Variants in CYP39A1 observed in about 807,000 individuals in gnomAD.
CYP39A1 encodes the protein cytochrome P450 family 39 subfamily A member 1.
Under a neutral mutation model 58.1 loss-of-function variants are expected in CYP39A1, and 49 were observed. That is an observed-to-expected ratio of 0.84 (90% CI 0.67 to 1.07). CYP39A1 has a LOEUF of 1.07. Ranked by LOEUF, CYP39A1 falls within the 50% of genes least tolerant of loss-of-function variation. CYP39A1 has a pLI of 0.00. For synonymous variants in CYP39A1, 209 were observed against 187.6 expected (o/e 1.11, Z -0.93); for missense variants, 531 against 539.4 (o/e 0.98, Z 0.16).
rs573287838 is a variant in CYP39A1 at position 46,642,169 on chromosome 6, G to A, written c.307C>T (p.Arg103Cys). ...ATCTGAAAATATTCTTTACCTGTAC[G>A]ATAAACGATATTTTGCACTGCTAGT... is the stretch of plus-strand genomic sequence containing the variant. ...FELAVQNIVYRTASIPKNVFL... is the reference protein window; with the variant it reads ...FELAVQNIVYCTASIPKNVFL... Residue 103 changes from arginine to cysteine, a missense_variant, in exon 2 of 12, where the codon CGT becomes TGT. Arg to Cys is a radical substitution (Grantham distance 180, BLOSUM62 -3). Transcript: ENST00000275016. The A allele has an allele frequency of 7.4e-6, 12 of 1,612,458 alleles. No individual in the cohort carries two copies. The highest frequency in any genetic ancestry group is 3.3e-5 in the Admixed American group (2 of 59,912).
chr6:46,636,004 C>T (rs1278530818), intron 5 of CYP39A1, among the ~76,000 whole-genome samples: 1 of 152,184 alleles, frequency 6.6e-6, no homozygotes. Context: ...ATTCTGCTTC[C>T]TTGCATCTGA....
At chr6:46,590,689 G>A (rs1321310095) in intron 8 of CYP39A1, among the ~76,000 whole-genome samples, 1 of 152,158 alleles carries the variant, frequency 6.6e-6, no homozygotes, top group African/African-American at 2.4e-5. Flanking sequence ...CCCAAAGACA[G>A]TCATTAACTA....
intron 7 of CYP39A1, among the ~76,000 whole-genome samples, chr6:46,604,163 C>G (rs1773689760): frequency 6.6e-6 from 1 of 152,080 alleles, no homozygotes. Flanking sequence ...TTCACATACC[C>G]AGAGGGCACA....
At chr6:46,646,253 G>A (rs1762317266) in intron 1 of CYP39A1, among the ~76,000 whole-genome samples, 2 of 151,976 alleles carry the variant, frequency 1.3e-5, no homozygotes, top group South Asian at 4.1e-4. Flanking sequence ...TTAACTGCAG[G>A]ATTTTTGTAG....
intron 1 of CYP39A1, among the ~76,000 whole-genome samples, chr6:46,644,306 T>C (rs895921472): frequency 1.2e-4 from 18 of 152,234 alleles, no homozygotes; most frequent in African/African-American, 4.3e-4. Flanking sequence ...GTATCAATCA[T>C]TCATTCCTTT....
intron 4 of CYP39A1, among the ~76,000 whole-genome samples, chr6:46,636,789 G>T (rs946442935): frequency 6.6e-6 from 1 of 152,186 alleles, no homozygotes; most frequent in Non-Finnish European, 1.5e-5. Flanking sequence ...GCTGTAAGTT[G>T]CAGGAGGATG....
intron 10 of CYP39A1, among the ~76,000 whole-genome samples, chr6:46,567,913 G>T (rs1474087368): frequency 6.6e-6 from 1 of 152,068 alleles, no homozygotes; most frequent in Admixed American, 6.6e-5. Flanking sequence ...GTGAGTTTCA[G>T]CAGTTGCCAG....
chr6:46,598,594 G>A (rs753094669), intron 7 of CYP39A1, among the ~76,000 whole-genome samples: 5 of 152,052 alleles, frequency 3.3e-5, no homozygotes, highest in Non-Finnish European at 5.9e-5. Context: ...GAAAAGCCAT[G>A]GTCAGAATTC....
chr6:46,609,160 G>C (rs916338431), intron 7 of CYP39A1, among the ~76,000 whole-genome samples: 2 of 151,930 alleles, frequency 1.3e-5, no homozygotes, highest in East Asian at 2.0e-4. Context: ...CCAGCACTTC[G>C]GGAGGCCGAG....
chr6:46,551,716 C>G (rs757275093), intron 11 of CYP39A1, among the ~76,000 whole-genome samples: 42 of 152,162 alleles, frequency 2.8e-4, no homozygotes, highest in South Asian at 6.2e-4. Flanking sequence ...TCCAAGTCCA[C>G]TGATTTCCCC....
intron 10 of CYP39A1, among the ~76,000 whole-genome samples, chr6:46,555,988 T>G (rs1232170534): frequency 6.6e-6 from 1 of 152,204 alleles, no homozygotes; most frequent in South Asian, 2.1e-4. Flanking sequence ...TATTTACTGA[T>G]TTGGATCAAA....
At chr6:46,613,197 C>T (rs1774320928) in intron 7 of CYP39A1, among the ~76,000 whole-genome samples, 1 of 152,190 alleles carries the variant, frequency 6.6e-6, no homozygotes, top group Non-Finnish European at 1.5e-5. Context: ...GCTTTCCTCA[C>T]CAGTGTATAA....
chr6:46,640,643 GGGTACATGTGCA>G (rs1776273876), intron 2 of CYP39A1, among the ~76,000 whole-genome samples: 1 of 151,776 alleles, frequency 6.6e-6, no homozygotes, highest in South Asian at 2.1e-4. Context: ...TAGATTCAAA[GGGTACATGTGCA>G]GGTTTGTTAT....
At chr6:46,580,804 G>A (rs561475677) in intron 10 of CYP39A1, among the ~76,000 whole-genome samples, 13 of 152,160 alleles carry the variant, frequency 8.5e-5, no homozygotes, top group East Asian at 5.8e-4. Context: ...ATGAGATAAC[G>A]TCTCACATCA....
In CYP39A1 at chr6:46,567,996, T is replaced by A. The variant is rs77785594; in HGVS notation, c.1251-14142A>T. Among the ~76,000 whole-genome samples, 665 of 75,992 alleles carry A rather than the reference T, an allele frequency of 8.8e-3. 7 individuals are homozygous for A. Among genetic ancestry groups the A allele is most frequent in the South Asian group, 0.043 (121 of 2,790 alleles). 49.9% of individuals were successfully genotyped at this position (75,992 alleles called of 152,430 possible). A position where few individuals can be genotyped will look rare whatever the true frequency, so the allele number is the denominator to read the frequency against. On this transcript the variant is annotated intron_variant, in intron 10 of 11. Transcript: ENST00000275016. ...ATTGAGCTTATAAGACATTTTTTTTTAAAAAAAAAACAGGTGTATGTAACC... is the reference window on the plus strand; with the variant it reads ...ATTGAGCTTATAAGACATTTTTTTTAAAAAAAAAAACAGGTGTATGTAACC...
At chr6:46,618,199 T>C (rs1199983186) in intron 7 of CYP39A1, among the ~76,000 whole-genome samples, 1 of 152,136 alleles carries the variant, frequency 6.6e-6, no homozygotes, top group Non-Finnish European at 1.5e-5. Flanking sequence ...TTTACATGTG[T>C]TATATCCTTC....
chr6:46,577,612 A>G (rs1004556920), intron 10 of CYP39A1, among the ~76,000 whole-genome samples: 1 of 152,204 alleles, frequency 6.6e-6, no homozygotes, highest in African/African-American at 2.4e-5. Flanking sequence ...AAATAAAAAA[A>G]GAGTAGGGGT....
chr6:46,611,372 A>AGGACT (rs1774203492), intron 7 of CYP39A1, among the ~76,000 whole-genome samples: 1 of 152,254 alleles, frequency 6.6e-6, no homozygotes, highest in African/African-American at 2.4e-5. Flanking sequence ...AAAGATATGA[A>AGGACT]GGACTGACTG....
intron 7 of CYP39A1, among the ~76,000 whole-genome samples, chr6:46,618,088 A>G (rs1278220312): frequency 6.6e-6 from 1 of 152,172 alleles, no homozygotes; most frequent in Non-Finnish European, 1.5e-5. Flanking sequence ...ATGTGGGAGG[A>G]TTATAAAATT....
Sources: allele counts gnomAD v4.1 joint callset (sites outside exome capture counted in the v4.1 genomes callset), GRCh38; gene constraint gnomAD v4.1.1; transcripts MANE v1.5; gene names NCBI Gene and HGNC (gene_info 2026-07-23, HGNC 2026-07-21).